The following MEI4 variants were observed in gnomAD, a reference collection of about 807,000 sequenced individuals.
MEI4 encodes the protein meiosis-specific protein MEI4.
A neutral mutation model predicts 31.4 loss-of-function variants in MEI4; 27 were observed. The ratio of observed to expected loss-of-function variants is 0.86; its 90% CI spans 0.63 to 1.19. MEI4 has a LOEUF of 1.19. MEI4 is among the 50% of genes most tolerant of loss of function. The probability of loss-of-function intolerance (pLI) is 0.00; values close to 1 mark genes in which losing one functional copy is unlikely to be tolerated. For missense variants in MEI4, 329 were observed against 398.9 expected (o/e 0.82, Z 1.49); for synonymous variants, 122 against 145.4 (o/e 0.84, Z 1.16).
At chr6:77,845,403 ACT>A (rs1770460266) in intron 4 of MEI4, among the ~76,000 whole-genome samples, 1 of 151,860 alleles carries the variant, frequency 6.6e-6, no homozygotes, top group African/African-American at 2.4e-5. Flanking sequence ...ACTTTCAAAT[ACT>A]CTCTAGCAAG....
chr6:77,796,506 C>CAG (rs1266022734), intron 3 of MEI4, among the ~76,000 whole-genome samples: 1 of 152,130 alleles, frequency 6.6e-6, no homozygotes, highest in Non-Finnish European at 1.5e-5. Flanking sequence ...TATATGAATT[C>CAG]AGTAAAGTTG....
chr6:77,738,252 G>GT (rs1189785758), intron 2 of MEI4, among the ~76,000 whole-genome samples: 6 of 152,148 alleles, frequency 3.9e-5, no homozygotes, highest in South Asian at 2.1e-4. Flanking sequence ...CTTTTGTGTT[G>GT]TTTTTTGAAG....
At chr6:77,723,065 A>G (rs1428452575) in intron 2 of MEI4, among the ~76,000 whole-genome samples, 1 of 143,560 alleles carries the variant, frequency 7.0e-6, no homozygotes, top group African/African-American at 2.6e-5. Flanking sequence ...GGAACTGAAG[A>G]GCTAATAACC....
At chr6:77,919,747 T>G (rs1404125563) in intron 4 of MEI4, among the ~76,000 whole-genome samples, 75 of 148,432 alleles carry the variant, frequency 5.1e-4, no homozygotes, top group African/African-American at 1.7e-3. Flanking sequence ...TTGATAGACC[T>G]CTAGCAAGAC....
intron 3 of MEI4, among the ~76,000 whole-genome samples, chr6:77,775,975 A>G (rs7741694): frequency 1.6e-4 from 25 of 151,588 alleles, no homozygotes; most frequent in African/African-American, 6.1e-4. Flanking sequence ...TTTGTTGACC[A>G]TTTGTTTATC....
chr6:77,784,539 C>T (rs1768681082), intron 3 of MEI4, among the ~76,000 whole-genome samples: 1 of 152,088 alleles, frequency 6.6e-6, no homozygotes, highest in Non-Finnish European at 1.5e-5. Flanking sequence ...AGACTTCATT[C>T]CTTGCAAATT....
intron 1 of MEI4, among the ~76,000 whole-genome samples, chr6:77,683,395 T>A (rs1239511175): frequency 6.6e-6 from 1 of 152,052 alleles, no homozygotes; most frequent in Non-Finnish European, 1.5e-5. Flanking sequence ...CTCATATACT[T>A]ATTTTTTGTG....
At chr6:77,788,601 C>A (rs1317737545) in intron 3 of MEI4, among the ~76,000 whole-genome samples, 1 of 151,956 alleles carries the variant, frequency 6.6e-6, no homozygotes, top group Non-Finnish European at 1.5e-5. Flanking sequence ...CATTCTTATA[C>A]ACCAAGAACA....
At chr6:77,668,993 C>T (rs1768687982) in intron 1 of MEI4, among the ~76,000 whole-genome samples, 1 of 152,052 alleles carries the variant, frequency 6.6e-6, no homozygotes, top group Non-Finnish European at 1.5e-5. Flanking sequence ...ATGAATTAAT[C>T]TAAAATTGTG....
chr6:77,775,769 C>G (rs1394528349), intron 3 of MEI4, among the ~76,000 whole-genome samples: 1 of 152,116 alleles, frequency 6.6e-6, no homozygotes, highest in Non-Finnish European at 1.5e-5. Flanking sequence ...TAAAGAATCT[C>G]CAAACTGTTT....
At chr6:77,707,234 C>T (rs1766353569) in intron 2 of MEI4, among the ~76,000 whole-genome samples, 1 of 152,116 alleles carries the variant, frequency 6.6e-6, no homozygotes, top group South Asian at 2.1e-4. Context: ...AGGTCACCCA[C>T]TTTATACCCT....
chr6:77,808,362 G>A (rs1338874239), intron 3 of MEI4, among the ~76,000 whole-genome samples: 1 of 152,152 alleles, frequency 6.6e-6, no homozygotes, highest in Non-Finnish European at 1.5e-5. Flanking sequence ...CCTAATTCCA[G>A]ATGATGGCAC....
rs368212926 is a variant in MEI4 at position 77,706,804 on chromosome 6, C to T, written c.232+15901C>T. On this transcript the variant is annotated intron_variant, in intron 2 of 4. Coordinates refer to ENST00000684080, the MANE Select transcript of MEI4 (RefSeq NM_001322247.2). ...CTTCCTGACTCACCATGTGATACAC[C>T]GGCTCCCTGCTTTCTGCCATGATTA... 5.9e-5 allele frequency among the ~76,000 whole-genome samples: 9 copies of T among 152,218 alleles called. No individual in the cohort carries two copies. The East Asian group carries it at 7.7e-4, about 13-fold the overall frequency.
chr6:77,918,369 T>C (rs1446290533), intron 4 of MEI4, among the ~76,000 whole-genome samples: 2 of 136,566 alleles, frequency 1.5e-5, no homozygotes, highest in Non-Finnish European at 3.1e-5. Flanking sequence ...AGTATGGCCA[T>C]TTTCATGATA....
chr6:77,880,682 A>G (rs7776253), intron 4 of MEI4, among the ~76,000 whole-genome samples: 61,706 of 151,896 alleles, frequency 0.41, 13,860 homozygotes, highest in African/African-American at 0.6. Flanking sequence ...GACACTAGTT[A>G]TGAAAGAAGA....
At chr6:77,876,046 A>C (rs893896678) in intron 4 of MEI4, among the ~76,000 whole-genome samples, 1 of 152,190 alleles carries the variant, frequency 6.6e-6, no homozygotes, top group Non-Finnish European at 1.5e-5. Context: ...AAAAGAGCAC[A>C]TGTTTCAGAG....
At chr6:77,803,200 T>G (rs536465816) in intron 3 of MEI4, among the ~76,000 whole-genome samples, 7 of 152,214 alleles carry the variant, frequency 4.6e-5, no homozygotes, top group Non-Finnish European at 8.8e-5. Flanking sequence ...TAAACTTCTC[T>G]TCTCACTTCA....
At chr6:77,777,871 C>T (rs1421848053) in intron 3 of MEI4, among the ~76,000 whole-genome samples, 3 of 151,700 alleles carry the variant, frequency 2.0e-5, no homozygotes, top group Non-Finnish European at 4.4e-5. Context: ...TTAAAATTTT[C>T]AGGGAATTAA....
intron 2 of MEI4, among the ~76,000 whole-genome samples, chr6:77,734,249 T>G (rs1003466717): frequency 2.0e-5 from 3 of 152,026 alleles, no homozygotes; most frequent in Non-Finnish European, 1.5e-5. Context: ...CCATTATTAA[T>G]GTGTGGGAGT....
Sources: gnomAD v4.1 joint callset for allele counts (sites outside exome capture counted in the v4.1 genomes callset) on GRCh38, gnomAD v4.1.1 for gene constraint, MANE v1.5 for transcripts, NCBI Gene and HGNC (gene_info 2026-07-23, HGNC 2026-07-21) for gene names.